CPXM2: variants seen among roughly 807,000 people sequenced by gnomAD.
The protein encoded by CPXM2 is carboxypeptidase X, M14 family member 2.
Under a neutral mutation model 86.1 loss-of-function variants are expected in CPXM2, and 66 were observed. That is an observed-to-expected ratio of 0.77 (90% CI 0.63 to 0.94). The LOEUF (loss-of-function observed/expected upper bound fraction) is 0.94, where lower values mean the gene tolerates loss of function less well. Ranked by LOEUF, CPXM2 falls within the 40% of genes least tolerant of loss-of-function variation. The pLI is 0.00. For synonymous variants in CPXM2, 388 were observed against 400.2 expected (o/e 0.97, Z 0.36); for missense variants, 948 against 1,026.3 (o/e 0.92, Z 1.04).
intron 4 of CPXM2, among the ~76,000 whole-genome samples, chr10:123,832,749 C>T (rs978268831): frequency 1.3e-5 from 2 of 150,844 alleles, no homozygotes; most frequent in Non-Finnish European, 2.9e-5. Context: ...ATTGCTTGAA[C>T]CCAGGAGGCA....
At chr10:123,907,949 G>A (rs74794159) in intron 2 of CPXM2, among the ~76,000 whole-genome samples, 3,275 of 152,186 alleles carry the variant, frequency 0.022, 109 homozygotes, top group African/African-American at 0.074. Flanking sequence ...GGGAGGGGGA[G>A]GAAAGGAAAA....
intron 2 of CPXM2, among the ~76,000 whole-genome samples, chr10:123,932,431 C>T (rs570598927): frequency 3.3e-5 from 5 of 152,326 alleles, no homozygotes; most frequent in African/African-American, 1.2e-4. Context: ...ATGATATTTC[C>T]CACTTTGTTC....
chr10:123,769,819 T>C (rs1846584507), intron 8 of CPXM2, among the ~76,000 whole-genome samples: 1 of 152,170 alleles, frequency 6.6e-6, no homozygotes, highest in South Asian at 2.1e-4. Context: ...TGTTTAGAAA[T>C]TTCCCAACCT....
chr10:123,762,576 A>T (rs1269059093), intron 10 of CPXM2, among the ~76,000 whole-genome samples: 1 of 152,160 alleles, frequency 6.6e-6, no homozygotes, highest in African/African-American at 2.4e-5. Context: ...TAGCTTCAGT[A>T]ATCTGGGGGA....
At chr10:123,826,894 A>G (rs1420283242) in intron 4 of CPXM2, among the ~76,000 whole-genome samples, 3 of 152,204 alleles carry the variant, frequency 2.0e-5, no homozygotes, top group African/African-American at 7.2e-5. Flanking sequence ...TCTATGCACT[A>G]AAACATAGCA....
In CPXM2 at chr10:123,891,423, G is replaced by T; in HGVS notation, c.237C>A (p.Pro79=). 1 of 1,559,994 alleles carries T rather than the reference G, an allele frequency of 6.4e-7. No individual in the cohort carries two copies. The highest frequency in any genetic ancestry group is 2.4e-5 in the East Asian group (1 of 41,448). Residue 79 remains proline (P), a synonymous_variant, in exon 1 of 14, where the codon CCC becomes CCA. Transcript: ENST00000241305. The surrounding 1 kb of genome is among the most constrained non-coding windows in gnomAD (Gnocchi z 5.6). ...CTTTCTTGGGCTTGGTGGCCCTCTT[G>T]GGCGGCCTGGGCTCCTGCGGGCGCC... is the stretch of plus-strand genomic sequence containing the variant. The part of the protein sequence containing the change: ...WERRPQEPRP[P]KRATKPKKAP...
chr10:123,889,067 C>T (rs932254288), intron 1 of CPXM2, among the ~76,000 whole-genome samples: 4 of 152,222 alleles, frequency 2.6e-5, no homozygotes, highest in African/African-American at 9.7e-5. Flanking sequence ...TCAGGTTACA[C>T]TCTGATTTCT....
intron 2 of CPXM2, among the ~76,000 whole-genome samples, chr10:123,899,632 C>A (rs372225600): frequency 6.6e-6 from 1 of 152,132 alleles, no homozygotes; most frequent in African/African-American, 2.4e-5. Context: ...GCCTGGACAA[C>A]GCAGTGAGAC....
At chr10:123,856,630 C>T (rs1564800121) in intron 3 of CPXM2, among the ~76,000 whole-genome samples, 3 of 151,924 alleles carry the variant, frequency 2.0e-5, no homozygotes, top group South Asian at 4.2e-4. Flanking sequence ...CTCATCCTCT[C>T]GCCCAGGCTG....
In CPXM2 at chr10:123,754,360, A is replaced by G. The variant is rs922349965; in HGVS notation, c.2017+303T>C. Among the ~76,000 whole-genome samples the G allele has an allele frequency of 3.3e-5, 5 of 152,186 alleles. No homozygotes were observed. Among genetic ancestry groups the G allele is most frequent in the Non-Finnish European group, 7.3e-5 (5 of 68,042 alleles). ...GGTCTGAGAGCTAAGCTGCCTGCAG[A>G]TGCAACAACTCCATGGAGACAGAGC... On this transcript the variant is annotated intron_variant, in intron 13 of 13. Coordinates refer to ENST00000241305, the MANE Select transcript of CPXM2 (RefSeq NM_198148.3). This position sits in a 1 kb window ranked among gnomAD's most constrained non-coding sequence, Gnocchi z 4.0.
intron 2 of CPXM2, among the ~76,000 whole-genome samples, chr10:123,879,154 T>TA (rs1945041627): frequency 6.6e-6 from 1 of 152,234 alleles, no homozygotes; most frequent in African/African-American, 2.4e-5. Context: ...GATGCACTAT[T>TA]AGTCATCTCT....
chr10:123,838,807 C>G (rs1477150857), intron 4 of CPXM2, among the ~76,000 whole-genome samples: 13 of 152,108 alleles, frequency 8.5e-5, no homozygotes, highest in African/African-American at 3.1e-4. Context: ...GCAACAGGCA[C>G]CAGGGAAGCG....
intron 2 of CPXM2, among the ~76,000 whole-genome samples, chr10:123,925,691 C>G (rs1261683880): frequency 6.6e-6 from 1 of 152,166 alleles, no homozygotes; most frequent in Non-Finnish European, 1.5e-5. Context: ...CCCCACCCTA[C>G]CACACTTACC....
intron 2 of CPXM2, among the ~76,000 whole-genome samples, chr10:123,935,685 C>T (rs1945709268): frequency 6.6e-6 from 1 of 152,100 alleles, no homozygotes; most frequent in Non-Finnish European, 1.5e-5. Context: ...ATAGCCCAGA[C>T]AAGGATGCAG....
chr10:123,763,713 T>C (rs1405304923), intron 10 of CPXM2, among the ~76,000 whole-genome samples: 2 of 152,236 alleles, frequency 1.3e-5, no homozygotes, highest in Middle Eastern at 3.4e-3. Flanking sequence ...ATTTAATGTG[T>C]TAATACCTAT....
chr10:123,914,849 T>C (rs2134273526), intron 2 of CPXM2, among the ~76,000 whole-genome samples: 1 of 152,316 alleles, frequency 6.6e-6, no homozygotes, highest in South Asian at 2.1e-4. Context: ...ACAACCTGGA[T>C]TTGATTAACG....
intron 4 of CPXM2, among the ~76,000 whole-genome samples, chr10:123,815,682 C>T (rs1253615585): frequency 6.6e-6 from 1 of 152,176 alleles, no homozygotes; most frequent in Non-Finnish European, 1.5e-5. Flanking sequence ...GATGTTGATT[C>T]TCCTCAGGAG....
At chr10:123,888,549 A>G (rs992259335) in intron 1 of CPXM2, among the ~76,000 whole-genome samples, 29 of 152,208 alleles carry the variant, frequency 1.9e-4, no homozygotes, top group Non-Finnish European at 2.2e-4. Context: ...CACCACGAGC[A>G]GCATATAGAT....
intron 4 of CPXM2, 21 bp downstream of exon 4, chr10:123,842,328 C>T (rs759974580): frequency 1.2e-6 from 2 of 1,613,876 alleles, no homozygotes; most frequent in African/African-American, 2.7e-5. Flanking sequence ...GTCCAGAAAG[C>T]ATATGTCCAG....
Sources: allele counts gnomAD v4.1 joint callset (sites outside exome capture counted in the v4.1 genomes callset), GRCh38; gene constraint gnomAD v4.1.1; non-coding constraint Gnocchi (gnomAD v3.1); transcripts MANE v1.5; gene names NCBI Gene and HGNC (gene_info 2026-07-23, HGNC 2026-07-21).